Variants in DSC1 observed in about 807,000 individuals in gnomAD.
DSC1 encodes the protein desmocollin 1, also known as desmocollin-1.
Under a neutral mutation model 98.8 loss-of-function variants are expected in DSC1, and 79 were observed. The observed-to-expected ratio is 0.80, with a 90% CI of 0.67 to 0.96. DSC1 has a LOEUF of 0.96. DSC1 is among the 50% of genes least tolerant of loss of function. The pLI, the probability that DSC1 is intolerant of heterozygous loss-of-function variation, is 0.00. For synonymous variants in DSC1, 405 were observed against 372.1 expected, an observed-to-expected ratio of 1.09 and a Z score of -1.02; for missense variants, 1,115 against 1,075.9, an observed-to-expected ratio of 1.04 and a Z score of -0.51.
Position 31,139,762 on chromosome 18 carries a change from A to G in DSC1, c.1649T>C (p.Val550Ala). The G allele has an allele frequency of 1.2e-6, 2 of 1,601,258 alleles. No homozygotes were observed. The highest frequency in any genetic ancestry group is 8.5e-7 in the Non-Finnish European group (1 of 1,175,670). ...VKNNQYNISV[V>A]AVDAVGRSCT... ...ATGGCACTCACCTGCATCCACTGCA[A>G]CAACTGAAATATTGTATTGGTTGTT... The change falls in exon 11 of 16, where the codon GTT becomes GCT. Residue 550 changes from valine to alanine, a missense_variant. Physicochemically the swap from Val to Ala is moderately conservative, Grantham distance 64. Coordinates refer to ENST00000257198, the MANE Select transcript of DSC1 (RefSeq NM_024421.2).
At chr18:31,142,424 T>G (rs567217105) in intron 8 of DSC1, among the ~76,000 whole-genome samples, 1 of 152,282 alleles carries the variant, frequency 6.6e-6, no homozygotes, top group East Asian at 1.9e-4. Context: ...TTCTCTGAGA[T>G]AATTTTCCTA....
At chr18:31,142,760 T>C (rs771479079) in intron 8 of DSC1, among the ~76,000 whole-genome samples, 2 of 152,076 alleles carry the variant, frequency 1.3e-5, no homozygotes, top group Non-Finnish European at 2.9e-5. Flanking sequence ...AAGTAGTAAA[T>C]TGAATCTGTT....
chr18:31,136,341 GA>G (rs1988608445), intron 11 of DSC1, among the ~76,000 whole-genome samples: 1 of 152,032 alleles, frequency 6.6e-6, no homozygotes, highest in Non-Finnish European at 1.5e-5. Flanking sequence ...AATTTAAGCA[GA>G]AAGCCTTTCT....
Position 31,131,627 on chromosome 18 carries a change from G to C in DSC1, c.2454C>G (p.Asp818Glu), listed in dbSNP as rs1476092697. The C allele has an allele frequency of 1.2e-6, 2 of 1,614,092 alleles. No individual in the cohort carries two copies. Among genetic ancestry groups the C allele is most frequent in the South Asian group, 2.2e-5 (2 of 91,082 alleles). The change falls in exon 15 of 16, where the codon GAC becomes GAG. Residue 818 changes from aspartate (D) to glutamate (E), a missense_variant. Asp to Glu is a conservative substitution (Grantham distance 45). Transcript: ENST00000257198. ...QGDTGRYAYTDWQSFTQPRLG... is the reference protein window; with the variant it reads ...QGDTGRYAYTEWQSFTQPRLG... ...GCCGAGGTTGGGTGAAACTCTGCCA[G>C]TCCGTGTACGCATATCTGCCAGTAT...
chr18:31,131,723 GCCTCCTTTGA>G lies in DSC1; in HGVS notation c.2348_2357del (p.Val783AlafsTer77). 1 of 1,614,086 alleles carries G rather than the reference GCCTCCTTTGA, an allele frequency of 6.2e-7. No individual in the cohort carries two copies. On this transcript the variant is annotated frameshift_variant, in exon 15 of 16. Coordinates refer to ENST00000257198, the MANE Select transcript of DSC1 (RefSeq NM_024421.2). LOFTEE classifies it high-confidence loss of function. Reference sequence around the variant, plus strand: ...CTCCTTTGTTGGAATCCAAAGTGTAGCCTCCTTTGACCATCTCAAAACTTTGCTGTGTTTT... The same window carrying G: ...CTCCTTTGTTGGAATCCAAAGTGTAGCCATCTCAAAACTTTGCTGTGTTTT...
intron 6 of DSC1, 114 bp downstream of exon 6, chr18:31,148,384 A>G (rs975968062): frequency 2.3e-6 from 3 of 1,301,282 alleles, no homozygotes; most frequent in African/African-American, 3.0e-5. Flanking sequence ...GTATGTAATC[A>G]GAAATACCAG....
intron 7 of DSC1, 128 bp downstream of exon 7, chr18:31,145,483 C>A (rs919704082): frequency 4.1e-6 from 4 of 978,354 alleles, no homozygotes; most frequent in Non-Finnish European, 6.1e-6. Context: ...TCCAGAGAAG[C>A]CCTAACCGCA....
intron 9 of DSC1, among the ~76,000 whole-genome samples, chr18:31,141,243 A>T (rs78187255): frequency 6.6e-6 from 1 of 151,794 alleles, no homozygotes; most frequent in Non-Finnish European, 1.5e-5. Context: ...AAAAAACCTA[A>T]GAACAAGAAA....
intron 12 of DSC1, 127 bp downstream of exon 12, chr18:31,134,445 T>C (rs1988564396): frequency 1.1e-6 from 1 of 903,392 alleles, no homozygotes; most frequent in East Asian, 2.7e-5. Flanking sequence ...GATTAGGTAT[T>C]GTTGTTTTTA....
Position 31,131,821 on chromosome 18 carries a change from T to C in DSC1, c.2260A>G (p.Met754Val), listed in dbSNP as rs1338421647. 1 of 1,614,082 alleles carries C rather than the reference T, an allele frequency of 6.2e-7. No individual in the cohort carries two copies. Among genetic ancestry groups the C allele is most frequent in the Non-Finnish European group, 8.5e-7 (1 of 1,179,966 alleles). Reference protein sequence around the residue: ...EVTEANIRLPMQTSNICDTSM... With the variant: ...EVTEANIRLPVQTSNICDTSM... ...GTGTCACAAATGTTGGATGTCTGCA[T>C]GGGGAGTCTAATATTTGCTTCCTAA... The change falls in exon 15 of 16, where the codon ATG becomes GTG. Residue 754 changes from methionine (M) to valine (V), a missense_variant. Met to Val is a conservative substitution (Grantham distance 21). Coordinates refer to ENST00000257198, the MANE Select transcript of DSC1 (RefSeq NM_024421.2).
In DSC1 at chr18:31,130,653, G is replaced by C. The variant is rs754736071; in HGVS notation, c.2546C>G (p.Ser849Trp). 6 of 1,614,052 alleles carry C rather than the reference G, an allele frequency of 3.7e-6. No individual in the cohort carries two copies. The highest frequency in any genetic ancestry group is 5.1e-6 in the Non-Finnish European group (6 of 1,180,024). The change falls in exon 16 of 16, where the codon TCG becomes TGG. Residue 849 changes from serine to tryptophan, a missense_variant. Physicochemically the swap from Ser to Trp is radical, Grantham distance 177 (BLOSUM62 -3). Transcript: ENST00000257198. ...EHKHCEDYVC[S>W]YNYEGKGSLA... ...AGAACCTTTGCCTTCATAGTTATAC[G>C]AACAAACGTAGTCTTCACAATGTTT...
intron 5 of DSC1, among the ~76,000 whole-genome samples, chr18:31,153,105 C>T (rs1989032297): frequency 6.6e-6 from 1 of 151,908 alleles, no homozygotes; most frequent in Non-Finnish European, 1.5e-5. Context: ...AGCAAAGTAA[C>T]TTATTTTTAA....
At chr18:31,133,380 CT>C (rs542515770) in intron 13 of DSC1, among the ~76,000 whole-genome samples, 209 of 152,230 alleles carry the variant, frequency 1.4e-3, no homozygotes, top group African/African-American at 4.8e-3. Flanking sequence ...GCCTGTATTG[CT>C]TTTCCTCAGT....
At position 31,140,145 on chromosome 18, in the gene DSC1, G is replaced by A; in HGVS notation, c.1417C>T (p.Pro473Ser). The A allele has an allele frequency of 6.2e-7, 1 of 1,613,968 alleles. No homozygotes were observed. The highest frequency in any genetic ancestry group is 1.7e-5 in the Admixed American group (1 of 59,996). The change falls in exon 10 of 16, where the codon CCT (proline) becomes TCT (serine). Residue 473 changes from proline (P) to serine (S), a missense_variant. Transcript: ENST00000257198. ...TGACTCTGAATAACTTTCACTGGAG[G>A]GTGGCATTCAGGGCCCTCATCACTG... ...IDSDEGPECH[P>S]PVKVIQSQDG...
intron 1 of DSC1, among the ~76,000 whole-genome samples, chr18:31,161,734 T>C (rs1568007156): frequency 1.3e-5 from 2 of 152,200 alleles, no homozygotes; most frequent in Non-Finnish European, 2.9e-5. Context: ...GTATCTGAGT[T>C]ATCGTCTCCC....
intron 1 of DSC1, among the ~76,000 whole-genome samples, chr18:31,161,343 TGC>T (rs924997620): frequency 5.7e-4 from 86 of 151,538 alleles, no homozygotes; most frequent in African/African-American, 2.0e-3. Context: ...ACTGTATATG[TGC>T]GTGTGTGTAT....
chr18:31,132,908 T>C (rs1377511479), intron 13 of DSC1, among the ~76,000 whole-genome samples: 1 of 152,184 alleles, frequency 6.6e-6, no homozygotes, highest in African/African-American at 2.4e-5. Flanking sequence ...AATTAACTTA[T>C]ATGTGTCTTT....
In DSC1 at chr18:31,130,456, T is replaced by C. The variant is rs1468575406; in HGVS notation, c.*58A>G. The C allele has an allele frequency of 3.1e-6, 5 of 1,587,472 alleles. No homozygotes were observed. Among genetic ancestry groups the C allele is most frequent in the Non-Finnish European group, 2.6e-6 (3 of 1,159,474 alleles). On this transcript the variant is annotated 3_prime_UTR_variant, in exon 16 of 16. Coordinates refer to ENST00000257198, the MANE Select transcript of DSC1 (RefSeq NM_024421.2). ...ACATTAGCAGATGCTGCTAACATTC[T>C]GCAAGTAATAAATTCCTACTTATGC...
rs1988440952 is a variant in DSC1 at position 31,129,605 on chromosome 18, C to T, written c.*909G>A. 1 of 152,094 alleles carries T rather than the reference C, an allele frequency of 6.6e-6. No homozygotes were observed. The highest frequency in any genetic ancestry group is 1.9e-4 in the East Asian group (1 of 5,192). The allele number at this position is 152,094 out of a possible 1,614,324, so 9.4% of individuals were successfully genotyped here. A position where few individuals can be genotyped will look rare whatever the true frequency, so the allele number is the denominator to read the frequency against. On this transcript the variant is annotated 3_prime_UTR_variant, in exon 16 of 16. Coordinates refer to ENST00000257198, the MANE Select transcript of DSC1 (RefSeq NM_024421.2). ...TGCATCAGGGCTAGTTGTCCAAATG[C>T]TTGGAGATGGCAGGTGGCAACCACA... is the stretch of plus-strand genomic sequence containing the variant.
Sources: gnomAD v4.1 joint callset for allele counts (sites outside exome capture counted in the v4.1 genomes callset) on GRCh38, gnomAD v4.1.1 for gene constraint, MANE v1.5 for transcripts, NCBI Gene and HGNC (gene_info 2026-07-23, HGNC 2026-07-21) for gene names.